TPM3: variants seen among roughly 807,000 people sequenced by gnomAD.
TPM3 encodes tropomyosin alpha-3 chain.
Under a neutral mutation model 43.1 loss-of-function variants are expected in TPM3, and 16 were observed. The observed-to-expected ratio is 0.37, with a 90% confidence interval of 0.25 to 0.56. The LOEUF (loss-of-function observed/expected upper bound fraction) is 0.56. Among genes scored for constraint, TPM3 ranks in the 20% least tolerant of loss-of-function variants. The probability of loss-of-function intolerance (pLI) is 0.77; values close to 1 mark genes in which losing one functional copy is unlikely to be tolerated. For synonymous variants in TPM3, 101 were observed against 116.9 expected (o/e 0.86, Z 0.88); for missense variants, 176 against 337.2 (o/e 0.52, Z 3.74).
downstream of TPM3, chr1:154,157,000 A>G (rs1659878602): frequency 5.0e-6 from 1 of 199,624 alleles, no homozygotes; most frequent in South Asian, 1.9e-4. Flanking sequence ...AATGAAAAAA[A>G]TAAAAAATAG....
downstream of TPM3, chr1:154,159,019 G>A (rs1433018870): frequency 1.3e-6 from 1 of 780,722 alleles, no homozygotes; most frequent in South Asian, 1.3e-5. Flanking sequence ...GAAAGCAGGC[G>A]GTTTCGCTCA....
intron 2 of TPM3, chr1:154,178,168 C>T: frequency 1.0e-6 from 1 of 985,438 alleles, no homozygotes; most frequent in Non-Finnish European, 1.2e-6. Context: ...AAATGTAAGA[C>T]ATCATGCAGC....
chr1:154,159,172 T>TA, downstream of TPM3: 1 of 688,626 alleles, frequency 1.5e-6, no homozygotes, highest in South Asian at 1.5e-5. Flanking sequence ...CTAGCTGGTA[T>TA]ATATAACATG....
intron 2 of TPM3, among the ~76,000 whole-genome samples, chr1:154,180,237 G>C (rs1471805774): frequency 6.6e-6 from 1 of 152,162 alleles, no homozygotes; most frequent in Non-Finnish European, 1.5e-5. Context: ...AGGGTGGCTT[G>C]GATGTTCACA....
chr1:154,173,675 A>C (rs1661874979), intron 3 of TPM3, among the ~76,000 whole-genome samples: 1 of 151,434 alleles, frequency 6.6e-6, no homozygotes, highest in Non-Finnish European at 1.5e-5. Context: ...AAAAAAAAAA[A>C]AAAAACTTTT....
At chr1:154,184,436 G>A (rs1034782115) in intron 2 of TPM3, among the ~76,000 whole-genome samples, 1 of 152,178 alleles carries the variant, frequency 6.6e-6, no homozygotes, top group Admixed American at 6.5e-5. Flanking sequence ...GCTCATGTCT[G>A]TAAGTCTAGG....
intron 2 of TPM3, among the ~76,000 whole-genome samples, chr1:154,185,719 AAAAG>A (rs1190834851): frequency 2.0e-5 from 3 of 151,192 alleles, no homozygotes; most frequent in Non-Finnish European, 2.9e-5. Flanking sequence ...GAAAAAAAAA[AAAAG>A]AAAAACAACA....
chr1:154,185,709 G>GA lies in TPM3; in HGVS notation c.243+5476dup, dbSNP rs111472790. 5.6e-3 allele frequency among the ~76,000 whole-genome samples: 712 copies of GA among 128,048 alleles called. 15 individuals are homozygous for GA. Among genetic ancestry groups the GA allele is most frequent in the African/African-American group, 0.017 (597 of 34,140 alleles). The allele number at this position is 128,048 out of a possible 152,430, so 84.0% of individuals were successfully genotyped here. ...TGGGTGACAGAGTGAGACACAGTCTGAAAAAAAAAAAAAGAAAAACAACAA... is the reference window on the plus strand; with the variant it reads ...TGGGTGACAGAGTGAGACACAGTCTGAAAAAAAAAAAAAAGAAAAACAACAA... On this transcript the variant is annotated intron_variant, in intron 2 of 9. Coordinates refer to ENST00000651641, the MANE Select transcript of TPM3 (RefSeq NM_152263.4).
intron 2 of TPM3, among the ~76,000 whole-genome samples, chr1:154,180,851 G>A (rs1024993286): frequency 2.6e-5 from 4 of 152,090 alleles, no homozygotes; most frequent in Admixed American, 2.6e-4. Flanking sequence ...CTTGAGCCTG[G>A]GAGGTGGAGG....
At position 154,163,922 on chromosome 1, in the gene TPM3, C is replaced by T. The variant is rs1477064620; in HGVS notation, c.*4015G>A. On this transcript the variant is annotated 3_prime_UTR_variant, in exon 10 of 10. Transcript: ENST00000651641. ...TGCTGGGATTACAGGCGTGAGCCAC[C>T]GTGCCTGGCCTCTTTTTTTTGTATT... 6.6e-6 allele frequency among the ~76,000 whole-genome samples: 1 copy of T among 151,846 alleles called. No homozygotes were observed. The highest frequency in any genetic ancestry group is 1.5e-5 in the Non-Finnish European group (1 of 67,930).
At chr1:154,184,618 T>C (rs1275481230) in intron 2 of TPM3, among the ~76,000 whole-genome samples, 1 of 152,198 alleles carries the variant, frequency 6.6e-6, no homozygotes, top group African/African-American at 2.4e-5. Context: ...AAATCCTCTA[T>C]TACAGACCAC....
Position 154,162,619 on chromosome 1 carries a change from G to C in TPM3, c.*5318C>G, listed in dbSNP as rs181516869. On this transcript the variant is annotated 3_prime_UTR_variant, in exon 10 of 10. Coordinates refer to ENST00000651641, the MANE Select transcript of TPM3 (RefSeq NM_152263.4). ...GCCTGTGGTTCTTAGAAATTAAGAG[G>C]GGGTAACATTAAGGGGACAAATGTT... is the stretch of plus-strand genomic sequence containing the variant. Among the ~76,000 whole-genome samples the C allele has an allele frequency of 6.6e-6, 1 of 152,208 alleles. No homozygotes were observed. The highest frequency in any genetic ancestry group is 2.4e-5 in the African/African-American group (1 of 41,518).
chr1:154,160,433 A>G (rs1171905941), downstream of TPM3, among the ~76,000 whole-genome samples: 2 of 152,232 alleles, frequency 1.3e-5, no homozygotes, highest in African/African-American at 2.4e-5. Context: ...TTGCCACTTT[A>G]TGTACACTAT....
At position 154,192,089 on chromosome 1, in the gene TPM3, T is replaced by A. The variant is rs1663705101; in HGVS notation, c.-71A>T. The A allele has an allele frequency of 7.3e-7, 1 of 1,369,016 alleles. No individual in the cohort carries two copies. The highest frequency in any genetic ancestry group is 2.3e-5 in the East Asian group (1 of 43,704). 84.8% of individuals were successfully genotyped at this position (1,369,016 alleles called of 1,614,324 possible). ...GAGACTGGGGCAAGAAAGAAGGGGC[T>A]GCTGCCTGAGTGACCAGGAGGTCCC... On this transcript the variant is annotated 5_prime_UTR_variant, in exon 1 of 10. Coordinates refer to ENST00000651641, the MANE Select transcript of TPM3 (RefSeq NM_152263.4).
At chr1:154,157,622 G>T, downstream of TPM3, 2 of 776,140 alleles carry the variant, frequency 2.6e-6, no homozygotes, top group Non-Finnish European at 4.8e-6. Context: ...GCAGCAGCAG[G>T]GTGGGACTGG....
chr1:154,176,242 C>A lies in TPM3; in HGVS notation c.250G>T (p.Ala84Ser), dbSNP rs1281444076. 1.2e-6 allele frequency: 2 copies of A among 1,614,094 alleles called. No individual in the cohort carries two copies. Among genetic ancestry groups the A allele is most frequent in the Middle Eastern group, 1.7e-4 (1 of 6,060 alleles). ...LAEKKAADAE[A>S]EVASLNRRIQ... ...CTACGGTTCAAGGAGGCCACCTCAGCCTCAGCCTGCATTTGAAGGAAAGAA... is the reference window on the plus strand; with the variant it reads ...CTACGGTTCAAGGAGGCCACCTCAGACTCAGCCTGCATTTGAAGGAAAGAA... The change falls in exon 3 of 10, where the codon GCT (alanine) becomes TCT (serine). Residue 84 changes from alanine to serine, a missense_variant. Physicochemically the swap from Ala to Ser is moderately conservative, Grantham distance 99. This residue lies in a region of TPM3 where 82 missense variants were observed against 148.8 expected (regional missense o/e 0.55). Transcript: ENST00000651641.
downstream of TPM3, chr1:154,156,575 A>G (rs1659827954): frequency 5.0e-6 from 1 of 201,006 alleles, no homozygotes; most frequent in Non-Finnish European, 1.0e-5. Context: ...AGGAAACTTA[A>G]AAGATCAACA....
At chr1:154,184,198 T>C (rs1663282569) in intron 2 of TPM3, among the ~76,000 whole-genome samples, 1 of 151,762 alleles carries the variant, frequency 6.6e-6, no homozygotes, top group Admixed American at 6.6e-5. Context: ...CACGCCCGGC[T>C]AATTTTTTTT....
intron 9 of TPM3, among the ~76,000 whole-genome samples, chr1:154,168,262 T>C (rs1235200054): frequency 6.6e-6 from 1 of 152,118 alleles, no homozygotes; most frequent in Admixed American, 6.6e-5. Flanking sequence ...CTTGGGTAGT[T>C]CCCTGAACTT....
Sources: gnomAD v4.1 joint callset for allele counts (sites outside exome capture counted in the v4.1 genomes callset) on GRCh38, gnomAD v4.1.1 for gene constraint, gnomAD v4.1.1 regional missense constraint, MANE v1.5 for transcripts, NCBI Gene and HGNC (gene_info 2026-07-23, HGNC 2026-07-21) for gene names.